The following HLA-DPA1 variants were observed in gnomAD, a reference collection of about 807,000 sequenced individuals.
HLA-DPA1 encodes major histocompatibility complex, class II, DP alpha 1.
Under a neutral mutation model 21.5 loss-of-function variants are expected in HLA-DPA1, and 20 were observed. That is an observed-to-expected ratio of 0.93 (90% CI 0.66 to 1.35). The LOEUF is 1.35. HLA-DPA1 is among the 40% of genes most tolerant of loss of function. HLA-DPA1 has a pLI of 0.00. For synonymous variants in HLA-DPA1, 123 were observed against 129.6 expected, an observed-to-expected ratio of 0.95 and a Z score of 0.35; for missense variants, 279 against 323.0, an observed-to-expected ratio of 0.86 and a Z score of 1.05.
chr6:33,073,091 G>A (rs1762358534), intron 2 of HLA-DPA1, among the ~76,000 whole-genome samples: 2 of 152,224 alleles, frequency 1.3e-5, no homozygotes, highest in African/African-American at 4.8e-5. Context: ...ATCTGGGGAA[G>A]GCAGTGTATG....
chr6:33,064,686 T>C (rs1234922887), exon 6 of HLA-DPA1: 1 of 152,216 alleles, frequency 6.6e-6, no homozygotes, highest in African/African-American at 2.4e-5. Context: ...GGGCTGTGAA[T>C]GGAATCCTAA....
intron 1 of HLA-DPA1, among the ~76,000 whole-genome samples, chr6:33,078,522 T>C (rs1762672421): frequency 6.6e-6 from 1 of 152,150 alleles, no homozygotes; most frequent in Non-Finnish European, 1.5e-5. Flanking sequence ...TAATATATCC[T>C]ATTCTGAATA....
At chr6:33,066,270 G>T (rs1322922476) in intron 5 of HLA-DPA1, 2 of 152,196 alleles carry the variant, frequency 1.3e-5, no homozygotes, top group African/African-American at 4.8e-5. Context: ...CAGAACAGTG[G>T]AACAAGATGG....
chr6:33,077,969 T>A (rs1762632639), intron 1 of HLA-DPA1, among the ~76,000 whole-genome samples: 1 of 152,104 alleles, frequency 6.6e-6, no homozygotes, highest in Non-Finnish European at 1.5e-5. Flanking sequence ...GGCTCAGCCC[T>A]GGGAACTGCA....
chr6:33,071,859 T>C (rs1236460977), intron 2 of HLA-DPA1, among the ~76,000 whole-genome samples: 1 of 152,196 alleles, frequency 6.6e-6, no homozygotes, highest in Non-Finnish European at 1.5e-5. Context: ...ACTGTGGGGC[T>C]ATTGCACTTA....
exon 3 of HLA-DPA1, chr6:33,069,768 G>A: frequency 6.2e-7 from 1 of 1,612,650 alleles, no homozygotes; most frequent in Non-Finnish European, 8.5e-7. Context: ...CCAGATGCCA[G>A]ACGGTCTCCT....
chr6:33,072,759 G>A (rs575331896), intron 2 of HLA-DPA1, among the ~76,000 whole-genome samples: 5 of 152,260 alleles, frequency 3.3e-5, no homozygotes, highest in South Asian at 2.1e-4. Flanking sequence ...CATTCACTAC[G>A]GTCCATCTCT....
chr6:33,069,894 A>G lies in HLA-DPA1; in HGVS notation c.101-8T>C, dbSNP rs1402537238. The G allele has an allele frequency of 5.6e-6, 9 of 1,605,030 alleles. No homozygotes were observed. The South Asian group carries it at 9.9e-5, about 18-fold the overall frequency. On this transcript the variant is annotated splice_region_variant and splice_polypyrimidine_tract_variant and intron_variant, in intron 2 of 5. Coordinates refer to ENST00000419277, the Ensembl canonical transcript of HLA-DPA1. ...AAGTTGACACATGGTCCGCTGCATAAAGACAGTAGAGAAAAACACGACAAA... is the reference window on the plus strand; with the variant it reads ...AAGTTGACACATGGTCCGCTGCATAGAGACAGTAGAGAAAAACACGACAAA...
At position 33,068,516 on chromosome 6, in the gene HLA-DPA1, G is replaced by A. The variant is rs1762074456; in HGVS notation, c.*12+122C>T. The A allele has an allele frequency of 1.9e-5, 14 of 741,122 alleles. 1 individual carries two copies. The South Asian group carries it at 2.7e-4, about 14-fold the overall frequency. 45.9% of individuals were successfully genotyped at this position (741,122 alleles called of 1,614,324 possible). ...AACTACTCAGTTAGTTATCGGTGTT[G>A]TTGTTGTTATGTGGCTGAATGCTTT... On this transcript the variant is annotated intron_variant, in intron 5 of 5. Transcript: ENST00000419277.
At chr6:33,076,592 G>C (rs1018191491) in intron 1 of HLA-DPA1, among the ~76,000 whole-genome samples, 22 of 152,280 alleles carry the variant, frequency 1.4e-4, no homozygotes, top group Non-Finnish European at 3.2e-4. Flanking sequence ...TATTCCCCAG[G>C]GTGGAGCAGG....
Position 33,070,970 on chromosome 6 carries a change from C to A in HLA-DPA1, c.101-1084G>T, listed in dbSNP as rs188899148. On this transcript the variant is annotated intron_variant, in intron 2 of 5. Coordinates refer to ENST00000419277, the Ensembl canonical transcript of HLA-DPA1. The stretch of plus-strand genomic sequence containing the variant: ...AGCAAAGATAAGAGGATAAAAGCAA[C>A]TATTATCATGAAAGAAAACGATGAA... Among the ~76,000 whole-genome samples, 214 of 152,296 alleles carry A rather than the reference C, an allele frequency of 1.4e-3. 2 individuals are homozygous for A. The East Asian group carries it at 0.025, about 18-fold the overall frequency.
At chr6:33,075,674 G>A (rs1345334586) in intron 1 of HLA-DPA1, among the ~76,000 whole-genome samples, 1 of 152,150 alleles carries the variant, frequency 6.6e-6, no homozygotes, top group Non-Finnish European at 1.5e-5. Flanking sequence ...TTGGGGAAAT[G>A]ATAATCCCTG....
chr6:33,068,574 G>T, intron 5 of HLA-DPA1, 64 bp downstream of exon 4: 1 of 1,315,104 alleles, frequency 7.6e-7, no homozygotes, highest in Non-Finnish European at 1.1e-6. Context: ...ACACTTATCA[G>T]ATTGAATTTT....
Position 33,070,218 on chromosome 6 carries a change from T to C in HLA-DPA1, c.101-332A>G, listed in dbSNP as rs138018304. On this transcript the variant is annotated intron_variant, in intron 2 of 5. Transcript: ENST00000419277. The stretch of plus-strand genomic sequence containing the variant: ...CTAACATTTGTTGAGCACTTACTTG[T>C]GCCAGGCATCCTTCTAAATACTTTA... Among the ~76,000 whole-genome samples the C allele has an allele frequency of 3.6e-3, 541 of 151,322 alleles. 3 individuals carry two copies. Among genetic ancestry groups the C allele is most frequent in the East Asian group, 0.026 (133 of 5,030 alleles).
rs1427081514 is a variant in HLA-DPA1, at chr6:33,071,133, G to A, written c.101-1247C>T. ...CCTGACATGTGGGGACCCAGTCTGT[G>A]CTTGGCCACTTACAGTGACAGGAGA... On this transcript the variant is annotated intron_variant, in intron 2 of 5. Transcript: ENST00000419277. Among the ~76,000 whole-genome samples the A allele has an allele frequency of 6.6e-3, 539 of 82,256 alleles. 2 individuals are homozygous for A. The East Asian group carries it at 0.16, about 24-fold the overall frequency. 54.0% of individuals were successfully genotyped at this position (82,256 alleles called of 152,430 possible).
At chr6:33,076,077 A>T in intron 1 of HLA-DPA1, 1 of 1,612,636 alleles carries the variant, frequency 6.2e-7, no homozygotes, top group South Asian at 1.1e-5. Context: ...CCCCCCGGAC[A>T]GTGGCTCTGA....
exon 3 of HLA-DPA1, chr6:33,069,679 G>A (rs41559316): frequency 6.2e-7 from 1 of 1,612,658 alleles, no homozygotes; most frequent in Admixed American, 1.7e-5. Flanking sequence ...CTGGATCAAG[G>A]TATTCAAGTT....
At position 33,080,607 on chromosome 6, in the gene HLA-DPA1, G is replaced by C. The variant is rs1158440624; in HGVS notation, c.-100+73C>G. On this transcript the variant is annotated intron_variant, in intron 1 of 5. Transcript: ENST00000419277. The surrounding 1 kb of genome is among the most constrained non-coding windows in gnomAD (Gnocchi z 4.3). The stretch of plus-strand genomic sequence containing the variant: ...TTGGGAAGAATCGTTAATATTGAGA[G>C]AGAGAGGGAGAAAGAGGATTAGATG... The C allele has an allele frequency of 3.1e-6, 5 of 1,602,310 alleles. No homozygotes were observed. Among genetic ancestry groups the C allele is most frequent in the Non-Finnish European group, 4.3e-6 (5 of 1,170,604 alleles).
intron 1 of HLA-DPA1, chr6:33,073,852 A>G (rs1341476122): frequency 5.3e-6 from 2 of 380,010 alleles, no homozygotes; most frequent in African/African-American, 4.1e-5. Flanking sequence ...AGAGTTAGAG[A>G]AAGAGATGTA....
Sources: allele counts gnomAD v4.1 joint callset (sites outside exome capture counted in the v4.1 genomes callset), GRCh38; gene constraint gnomAD v4.1.1; non-coding constraint Gnocchi (gnomAD v3.1); transcripts MANE v1.5; gene names NCBI Gene and HGNC (gene_info 2026-07-23, HGNC 2026-07-21).